Variants in ADAMTS6 observed in about 807,000 individuals in gnomAD.
The protein encoded by ADAMTS6 is A disintegrin and metalloproteinase with thrombospondin motifs 6.
ADAMTS6 carries 23 observed loss-of-function variants against 144.3 expected under a neutral mutation model. The ratio of observed to expected loss-of-function variants is 0.16; its 90% CI spans 0.11 to 0.23. The LOEUF is 0.23. Among genes scored for constraint, ADAMTS6 ranks in the 10% least tolerant of loss-of-function variants. The probability of loss-of-function intolerance (pLI) is 1.00; values close to 1 mark genes in which losing one functional copy is unlikely to be tolerated. For missense variants in ADAMTS6, 999 were observed against 1,379.6 expected (o/e 0.72, Z 4.37); for synonymous variants, 444 against 457.5 (o/e 0.97, Z 0.38).
At chr5:65,312,367 T>C (rs1744578918) in intron 9 of ADAMTS6, among the ~76,000 whole-genome samples, 1 of 152,022 alleles carries the variant, frequency 6.6e-6, no homozygotes, top group Non-Finnish European at 1.5e-5. Flanking sequence ...TGAGCTTGAC[T>C]ATGAATCACT....
intron 2 of ADAMTS6, among the ~76,000 whole-genome samples, 168 bp downstream of exon 2, chr5:65,473,409 G>C (rs933314779): frequency 6.6e-6 from 1 of 152,034 alleles, no homozygotes; most frequent in Admixed American, 6.5e-5. Context: ...GTTAAACGAC[G>C]CATAGCCCTT....
intron 12 of ADAMTS6, among the ~76,000 whole-genome samples, chr5:65,268,525 C>T (rs933996413): frequency 6.6e-6 from 1 of 152,164 alleles, no homozygotes; most frequent in Non-Finnish European, 1.5e-5. Flanking sequence ...AGGAGACTGA[C>T]CCATAGACAC....
chr5:65,440,904 G>C (rs1053072755), intron 7 of ADAMTS6, among the ~76,000 whole-genome samples: 1 of 152,018 alleles, frequency 6.6e-6, no homozygotes, highest in African/African-American at 2.4e-5. Context: ...GCACCCCAAG[G>C]AAAAGCTCAA....
At chr5:65,427,573 C>T (rs541929907) in intron 7 of ADAMTS6, among the ~76,000 whole-genome samples, 118 of 151,608 alleles carry the variant, frequency 7.8e-4, no homozygotes, top group African/African-American at 2.8e-3. Context: ...CCGAGGCAGG[C>T]GGATCGTGAG....
chr5:65,180,167 G>A (rs1165154003), intron 22 of ADAMTS6, among the ~76,000 whole-genome samples: 1 of 152,144 alleles, frequency 6.6e-6, no homozygotes, highest in African/African-American at 2.4e-5. Flanking sequence ...CAATCTTTGA[G>A]CCTGGAGTAT....
chr5:65,258,294 G>A (rs1008196624), intron 14 of ADAMTS6, among the ~76,000 whole-genome samples: 1 of 152,056 alleles, frequency 6.6e-6, no homozygotes, highest in Non-Finnish European at 1.5e-5. Context: ...GAGTACACAA[G>A]GCAAAGGGAA....
chr5:65,291,685 C>A (rs1742318831), intron 10 of ADAMTS6, among the ~76,000 whole-genome samples: 1 of 152,088 alleles, frequency 6.6e-6, no homozygotes, highest in Admixed American at 6.6e-5. Context: ...ACAATAAAAT[C>A]ATTTCAGACA....
intron 18 of ADAMTS6, among the ~76,000 whole-genome samples, chr5:65,222,141 T>C (rs1259541153): frequency 1.3e-5 from 2 of 152,098 alleles, no homozygotes; most frequent in African/African-American, 4.8e-5. Flanking sequence ...TATATAGAAA[T>C]ATAAAGGACC....
intron 15 of ADAMTS6, 60 bp downstream of exon 15, chr5:65,242,044 T>C: frequency 3.4e-6 from 4 of 1,177,026 alleles, no homozygotes; most frequent in Non-Finnish European, 4.8e-6. Context: ...TATATATTTG[T>C]ATATTCTTTG....
At chr5:65,185,760 T>C (rs1173247757) in intron 22 of ADAMTS6, among the ~76,000 whole-genome samples, 1 of 152,202 alleles carries the variant, frequency 6.6e-6, no homozygotes, top group Non-Finnish European at 1.5e-5. Flanking sequence ...GATCAACCTA[T>C]GTGAAGTTGA....
At chr5:65,422,198 A>G (rs550011328) in intron 7 of ADAMTS6, among the ~76,000 whole-genome samples, 6 of 152,264 alleles carry the variant, frequency 3.9e-5, no homozygotes, top group Non-Finnish European at 8.8e-5. Flanking sequence ...AAATATATGA[A>G]AAAACTGCTC....
chr5:65,383,874 A>G (rs1235114650), intron 7 of ADAMTS6, among the ~76,000 whole-genome samples: 2 of 152,154 alleles, frequency 1.3e-5, no homozygotes, highest in African/African-American at 2.4e-5. Flanking sequence ...AGGTACCCAT[A>G]CCACCACAGT....
intron 9 of ADAMTS6, among the ~76,000 whole-genome samples, chr5:65,303,375 A>C (rs1054619900): frequency 5.3e-5 from 8 of 152,128 alleles, no homozygotes; most frequent in African/African-American, 1.9e-4. Context: ...CATTATAGCA[A>C]TACAGAGATA....
In ADAMTS6 at chr5:65,170,686, T is replaced by C; in HGVS notation, c.3175A>G (p.Thr1059Ala). The C allele has an allele frequency of 3.7e-6, 6 of 1,614,060 alleles. No individual in the cohort carries two copies. Among genetic ancestry groups the C allele is most frequent in the Non-Finnish European group, 5.1e-6 (6 of 1,180,022 alleles). ...TGQASSDCLE[T>A]VRPPSMQQCE... is the part of the protein sequence containing the mutation. ...TGCTGCATTGATGGAGGCCGAACAGTTTCTAGACAGTCACTAGATGCCTGT... is the reference window on the plus strand; with the variant it reads ...TGCTGCATTGATGGAGGCCGAACAGCTTCTAGACAGTCACTAGATGCCTGT... Residue 1059 changes from threonine to alanine, a missense_variant, in exon 24 of 25, where the codon ACT becomes GCT. Around this residue, in one of 3 missense-constraint regions of ADAMTS6, gnomAD observed 619 missense variants for 837.0 expected, o/e 0.74. Transcript: ENST00000381055.
intron 13 of ADAMTS6, among the ~76,000 whole-genome samples, chr5:65,261,519 T>C (rs1761194306): frequency 6.6e-6 from 1 of 152,244 alleles, no homozygotes; most frequent in Admixed American, 6.5e-5. Context: ...TTAGTTATTC[T>C]GTAATTTTTT....
intron 9 of ADAMTS6, among the ~76,000 whole-genome samples, chr5:65,316,188 A>C (rs550771401): frequency 6.6e-6 from 1 of 152,328 alleles, no homozygotes; most frequent in South Asian, 2.1e-4. Context: ...CTAGGATTAT[A>C]GGCATGAGCC....
At chr5:65,176,063 G>C (rs1172246285) in intron 22 of ADAMTS6, among the ~76,000 whole-genome samples, 1 of 150,222 alleles carries the variant, frequency 6.7e-6, no homozygotes, top group East Asian at 1.9e-4. Flanking sequence ...CTAGTCCACA[G>C]ACATAAAAGA....
intron 11 of ADAMTS6, among the ~76,000 whole-genome samples, chr5:65,288,477 G>A (rs960161979): frequency 1.3e-5 from 2 of 151,826 alleles, no homozygotes; most frequent in African/African-American, 4.8e-5. Context: ...GCACCACCAC[G>A]CCCAGCTAAT....
At chr5:65,207,190 G>A (rs1756163722) in intron 20 of ADAMTS6, among the ~76,000 whole-genome samples, 1 of 152,094 alleles carries the variant, frequency 6.6e-6, no homozygotes, top group Non-Finnish European at 1.5e-5. Context: ...GCAAAGCAAT[G>A]TTTGGCAGAG....
Sources: gnomAD v4.1 joint callset for allele counts (sites outside exome capture counted in the v4.1 genomes callset) on GRCh38, gnomAD v4.1.1 for gene constraint, gnomAD v4.1.1 regional missense constraint, MANE v1.5 for transcripts, NCBI Gene and HGNC (gene_info 2026-07-23, HGNC 2026-07-21) for gene names.